The following MCF2L2 variants were observed in gnomAD, a reference collection of about 807,000 sequenced individuals.
MCF2L2 encodes MCF.2 cell line derived transforming sequence-like 2.
In MCF2L2, 102 loss-of-function variants were observed where a neutral mutation model predicts 150.2. That is an observed-to-expected ratio of 0.68 (90% CI 0.58 to 0.80). The LOEUF is 0.80. Ranked by LOEUF, MCF2L2 falls within the 30% of genes least tolerant of loss-of-function variation. The probability of loss-of-function intolerance (pLI) is 0.00; values close to 1 mark genes in which losing one functional copy is unlikely to be tolerated. For synonymous variants in MCF2L2, 465 were observed against 491.3 expected (o/e 0.95, Z 0.71); for missense variants, 1,256 against 1,372.8 (o/e 0.91, Z 1.34).
intron 12 of MCF2L2, chr3:183,296,655 A>C (rs1375057730): frequency 8.8e-6 from 2 of 226,010 alleles, no homozygotes; most frequent in African/African-American, 4.5e-5. Flanking sequence ...CCTCTCCCAC[A>C]AACTGTAAGC....
chr3:183,191,167 C>T (rs975503991), intron 27 of MCF2L2, among the ~76,000 whole-genome samples: 12 of 152,150 alleles, frequency 7.9e-5, no homozygotes, highest in Non-Finnish European at 4.4e-5. Flanking sequence ...TGAGCCACCG[C>T]ACCCGGCTGA....
chr3:183,261,324 G>C (rs780750042), intron 15 of MCF2L2, among the ~76,000 whole-genome samples: 5 of 152,108 alleles, frequency 3.3e-5, no homozygotes, highest in Non-Finnish European at 5.9e-5. Context: ...CAGATGACGA[G>C]AAGAAGCCAG....
chr3:183,207,739 C>T lies in MCF2L2; in HGVS notation c.2581G>A (p.Asp861Asn), dbSNP rs775017211. 14 of 1,614,048 alleles carry T rather than the reference C, an allele frequency of 8.7e-6. No homozygotes were observed. In the Admixed American group the frequency reaches 1.8e-4, roughly 21 times the overall value. Residue 861 changes from aspartate to asparagine, a missense_variant, in exon 23 of 30, where the codon GAT becomes AAT. Transcript: ENST00000328913. ...TIHKDRYKMK[D>N]LIRFKPSQRQ... is the part of the protein sequence containing the mutation. ...TGGCTGGGTTTAAATCGAATCAAAT[C>T]CTTCATTTTATAACGATCCTTGTGA... is the stretch of plus-strand genomic sequence containing the variant.
rs1244558450 is a variant in MCF2L2, at chr3:183,270,669, A to G, written c.1862+6203T>C. 13 of 1,614,072 alleles carry G rather than the reference A, an allele frequency of 8.1e-6. No homozygotes were observed. The highest frequency in any genetic ancestry group is 1.1e-5 in the Non-Finnish European group (13 of 1,180,042). On this transcript the variant is annotated intron_variant, in intron 15 of 29. Coordinates refer to ENST00000328913, the MANE Select transcript of MCF2L2 (RefSeq NM_015078.4). The surrounding 1 kb of genome is among the most constrained non-coding windows in gnomAD (Gnocchi z 4.5). ...CGATGTGTTCATGGGCCTCTGTGCC[A>G]ATAAAATAGGGATAGTACCGCAGGA...
chr3:183,282,138 A>G (rs1265152392), intron 14 of MCF2L2, among the ~76,000 whole-genome samples: 1 of 151,480 alleles, frequency 6.6e-6, no homozygotes, highest in African/African-American at 2.4e-5. Flanking sequence ...CAATTTACTT[A>G]CTGGTTAAAT....
In MCF2L2 at chr3:183,229,668, G is replaced by A. The variant is rs964312408; in HGVS notation, c.2043C>T (p.Asn681=). 2.4e-5 allele frequency: 33 copies of A among 1,401,018 alleles called. No individual in the cohort carries two copies. The Admixed American group carries it at 3.4e-4, about 14-fold the overall frequency. The allele number at this position is 1,401,018 out of a possible 1,614,324, so 86.8% of individuals were successfully genotyped here. The change falls in exon 17 of 30, where the codon AAC becomes AAT. Residue 681 remains asparagine, a splice_region_variant and synonymous_variant. Coordinates refer to ENST00000328913, the MANE Select transcript of MCF2L2 (RefSeq NM_015078.4). ...TGATAACATGAATTATTATATACCTGTTGTGAAATTCGTAAAGTTCTCTAA... is the reference window on the plus strand; with the variant it reads ...TGATAACATGAATTATTATATACCTATTGTGAAATTCGTAAAGTTCTCTAA... ...GNIRELYEFH[N]RTFLKELEKC...
chr3:183,311,048 A>G lies in MCF2L2; in HGVS notation c.879-19T>C. On this transcript the variant is annotated intron_variant, in intron 8 of 29. Transcript: ENST00000328913. ...TAATAACCTTTCAAGAAAGAATGAG[A>G]AAGTGATGTTAGGTTAGCATTCATT... 2 of 1,485,626 alleles carry G rather than the reference A, an allele frequency of 1.3e-6. No homozygotes were observed. The highest frequency in any genetic ancestry group is 1.9e-6 in the Non-Finnish European group (2 of 1,063,504). 92.0% of individuals were successfully genotyped at this position (1,485,626 alleles called of 1,614,324 possible).
At chr3:183,180,408 C>T (rs1255179108) in intron 27 of MCF2L2, 4 of 426,878 alleles carry the variant, frequency 9.4e-6, no homozygotes, top group Non-Finnish European at 1.7e-5. Flanking sequence ...CCTACCTCCC[C>T]GTTCCTCCAA....
rs138633995 is a variant in MCF2L2 at position 183,365,778 on chromosome 3, G to A, written c.275+13519C>T. Among the ~76,000 whole-genome samples the A allele has an allele frequency of 1.4e-3, 208 of 151,762 alleles. 1 individual carries two copies. The highest frequency in any genetic ancestry group is 4.4e-3 in the African/African-American group (182 of 41,386). On this transcript the variant is annotated intron_variant, in intron 3 of 29. Transcript: ENST00000328913. ...ATTTGATGACATAAAAATTCTTCAC[G>A]GCAAAAAAACATCCTAAGCAAAGAC...
At chr3:183,390,921 A>G (rs890650965) in intron 1 of MCF2L2, among the ~76,000 whole-genome samples, 1 of 151,310 alleles carries the variant, frequency 6.6e-6, no homozygotes, top group African/African-American at 2.5e-5. Context: ...CAAAACAAAA[A>G]CAATAACAAA....
intron 5 of MCF2L2, among the ~76,000 whole-genome samples, chr3:183,328,984 C>A (rs538875402): frequency 6.6e-6 from 1 of 152,112 alleles, no homozygotes; most frequent in Non-Finnish European, 1.5e-5. Context: ...TGAGATACCA[C>A]AACATGCCTA....
chr3:183,196,407 A>AT (rs2108637944), intron 25 of MCF2L2, among the ~76,000 whole-genome samples: 1 of 152,302 alleles, frequency 6.6e-6, no homozygotes, highest in South Asian at 2.1e-4. Context: ...GGTAATGTTT[A>AT]TATGTCAGAG....
chr3:183,271,239 T>C (rs1488003898), intron 15 of MCF2L2: 6 of 210,812 alleles, frequency 2.8e-5, no homozygotes, highest in African/African-American at 7.0e-5. Context: ...AGAGATGTTA[T>C]TAAGAAGTTT....
chr3:183,270,173 C>T lies in MCF2L2; in HGVS notation c.1862+6699G>A. ...TTCGGTCTCAGCTGAATGCCAACAT[C>T]AAAACTCTGTTTGCCTTAGGAACTC... On this transcript the variant is annotated intron_variant, in intron 15 of 29. Coordinates refer to ENST00000328913, the MANE Select transcript of MCF2L2 (RefSeq NM_015078.4). This position sits in a 1 kb window ranked among gnomAD's most constrained non-coding sequence, Gnocchi z 4.5. The T allele has an allele frequency of 6.2e-7, 1 of 1,614,140 alleles. No homozygotes were observed. The highest frequency in any genetic ancestry group is 1.1e-5 in the South Asian group (1 of 91,078).
Position 183,297,011 on chromosome 3 carries a change from T to C in MCF2L2, c.1462A>G (p.Asn488Asp). 6.2e-7 allele frequency: 1 copy of C among 1,614,022 alleles called. No homozygotes were observed. The highest frequency in any genetic ancestry group is 8.5e-7 in the Non-Finnish European group (1 of 1,179,970). Residue 488 changes from asparagine (N) to aspartate (D), a missense_variant, in exon 12 of 30, where the codon AAC (asparagine) becomes GAC (aspartate). Coordinates refer to ENST00000328913, the MANE Select transcript of MCF2L2 (RefSeq NM_015078.4). ...AGGGTGAGCAGCAACTCAAACTCGT[T>C]GTAAAACTCCTTGGGGCTGAGCAAC... Reference protein sequence around the residue: ...YPLLSPKEFYNEFELLLTLDA... With the variant: ...YPLLSPKEFYDEFELLLTLDA...
intron 2 of MCF2L2, among the ~76,000 whole-genome samples, chr3:183,387,748 C>T (rs925635990): frequency 2.7e-4 from 41 of 152,034 alleles, no homozygotes; most frequent in Middle Eastern, 6.8e-3. Context: ...GCCTGGCCAA[C>T]ATGGTGAAAG....
Position 183,294,065 on chromosome 3 carries a change from G to A in MCF2L2, c.1675+1235C>T, listed in dbSNP as rs150345799. ...TCATAATCCCAGCAGAAATTGAAAGGTGATTCTAAAATTTATGGAACAATG... is the reference window on the plus strand; with the variant it reads ...TCATAATCCCAGCAGAAATTGAAAGATGATTCTAAAATTTATGGAACAATG... On this transcript the variant is annotated intron_variant, in intron 13 of 29. Coordinates refer to ENST00000328913, the MANE Select transcript of MCF2L2 (RefSeq NM_015078.4). Among the ~76,000 whole-genome samples the A allele has an allele frequency of 7.1e-3, 1,084 of 152,222 alleles. 18 individuals carry two copies. The highest frequency in any genetic ancestry group is 0.024 in the African/African-American group (1,016 of 41,520).
chr3:183,212,973 T>TGGGGGGGGGGGG (rs1722790258), intron 22 of MCF2L2, among the ~76,000 whole-genome samples: 1 of 13,168 alleles, frequency 7.6e-5, no homozygotes, highest in Non-Finnish European at 1.6e-4. Context: ...GGTGGGGGGG[T>TGGGGGGGGGGGG]GGGGAATGAA....
At chr3:183,337,149 A>C (rs11925374) in intron 5 of MCF2L2, among the ~76,000 whole-genome samples, 39,528 of 152,054 alleles carry the variant, frequency 0.26, 7,380 homozygotes, top group African/African-American at 0.53. Flanking sequence ...TATAAATGTG[A>C]CACAACTTGT....
Sources: allele counts gnomAD v4.1 joint callset (sites outside exome capture counted in the v4.1 genomes callset), GRCh38; gene constraint gnomAD v4.1.1; non-coding constraint Gnocchi (gnomAD v3.1); transcripts MANE v1.5; gene names NCBI Gene and HGNC (gene_info 2026-07-23, HGNC 2026-07-21).